Variants in SNCAIP observed in about 807,000 individuals in gnomAD.
SNCAIP encodes the protein synphilin-1.
In SNCAIP, 43 loss-of-function variants were observed where a neutral mutation model predicts 86.7. The observed-to-expected ratio is 0.50, with a 90% CI of 0.39 to 0.64. The LOEUF (loss-of-function observed/expected upper bound fraction) is 0.64. Ranked by LOEUF, SNCAIP falls within the 30% of genes least tolerant of loss-of-function variation. SNCAIP has a pLI of 0.00. For missense variants in SNCAIP, 981 were observed against 1,103.1 expected, an observed-to-expected ratio of 0.89 and a Z score of 1.57; for synonymous variants, 417 against 427.2, an observed-to-expected ratio of 0.98 and a Z score of 0.29.
chr5:122,411,164 G>T (rs899694735), intron 3 of SNCAIP, among the ~76,000 whole-genome samples: 2 of 152,182 alleles, frequency 1.3e-5, no homozygotes, highest in African/African-American at 4.8e-5. Context: ...AAGGAAATCT[G>T]CAGTAAAAAA....
At chr5:122,397,956 C>T (rs1228032702) in intron 2 of SNCAIP, among the ~76,000 whole-genome samples, 5 of 152,014 alleles carry the variant, frequency 3.3e-5, no homozygotes, top group African/African-American at 9.7e-5. Context: ...ATTATAAAGA[C>T]GAGAGTTGAA....
chr5:122,450,090 G>T (rs1286058486), intron 9 of SNCAIP, among the ~76,000 whole-genome samples, 153 bp downstream of exon 9: 1 of 152,146 alleles, frequency 6.6e-6, no homozygotes, highest in African/African-American at 2.4e-5. Flanking sequence ...AGTGAAAAAG[G>T]CACTGGACCT....
chr5:122,323,690 C>T (rs978708127), intron 1 of SNCAIP, among the ~76,000 whole-genome samples: 12 of 152,152 alleles, frequency 7.9e-5, no homozygotes, highest in African/African-American at 2.4e-4. Context: ...AGAGTTACCA[C>T]GAAAATAGAG....
chr5:122,406,594 T>A (rs928297926), intron 3 of SNCAIP, among the ~76,000 whole-genome samples: 2 of 152,134 alleles, frequency 1.3e-5, no homozygotes, highest in Admixed American at 6.5e-5. Flanking sequence ...CTTGGTACCA[T>A]CCTTGTGATG....
intron 1 of SNCAIP, among the ~76,000 whole-genome samples, chr5:122,341,843 TA>T (rs1315892244): frequency 3.9e-5 from 6 of 152,080 alleles, no homozygotes; most frequent in African/African-American, 1.4e-4. Context: ...AGCTAGTACT[TA>T]AAAAACAATA....
chr5:122,381,020 G>A (rs1191070824), intron 1 of SNCAIP, among the ~76,000 whole-genome samples: 1 of 149,190 alleles, frequency 6.7e-6, no homozygotes, highest in Admixed American at 6.6e-5. Context: ...ATATTCTGTT[G>A]ATTTGGGGTG....
chr5:122,375,418 C>T (rs1291384620), intron 1 of SNCAIP, among the ~76,000 whole-genome samples: 1 of 150,154 alleles, frequency 6.7e-6, no homozygotes, highest in East Asian at 1.9e-4. Flanking sequence ...TCAGTGTCTT[C>T]ACATACATTT....
At chr5:122,439,210 C>T (rs781596430) in intron 6 of SNCAIP, among the ~76,000 whole-genome samples, 2 of 152,238 alleles carry the variant, frequency 1.3e-5, no homozygotes, top group Non-Finnish European at 2.9e-5. Flanking sequence ...AAGAAGAGGA[C>T]TAAGCATAGC....
chr5:122,403,704 CTT>C, intron 2 of SNCAIP, 87 bp from the exon 3 acceptor site: 1 of 1,007,882 alleles, frequency 9.9e-7, no homozygotes, highest in South Asian at 1.3e-5. Context: ...CCAAGTATCA[CTT>C]ATTGTGTTTT....
rs1262640780 is a variant in SNCAIP, at chr5:122,378,225, C to T, written c.-46-12864C>T. On this transcript the variant is annotated intron_variant, in intron 1 of 10. Coordinates refer to ENST00000261368, the MANE Select transcript of SNCAIP (RefSeq NM_005460.4). ...TGTCGTTTCCTGACAATTTAATGAT[C>T]GCCATTCTAACTGGTGTGAGATGGT... 3.4e-5 allele frequency among the ~76,000 whole-genome samples: 5 copies of T among 145,514 alleles called. 1 individual carries two copies. Among genetic ancestry groups the T allele is most frequent in the East Asian group, 2.1e-4 (1 of 4,786 alleles).
At chr5:122,383,048 C>T (rs567305825) in intron 1 of SNCAIP, among the ~76,000 whole-genome samples, 4 of 152,312 alleles carry the variant, frequency 2.6e-5, no homozygotes, top group Non-Finnish European at 4.4e-5. Flanking sequence ...GGCAGGCCTC[C>T]TTGAGCTGTG....
chr5:122,440,612 T>G lies in SNCAIP; in HGVS notation c.1297-17T>G. The G allele has an allele frequency of 6.2e-7, 1 of 1,611,962 alleles. No homozygotes were observed. Among genetic ancestry groups the G allele is most frequent in the Non-Finnish European group, 8.5e-7 (1 of 1,178,050 alleles). On this transcript the variant is annotated splice_polypyrimidine_tract_variant and intron_variant, in intron 6 of 10. Transcript: ENST00000261368. ...TGCAAGATATTACATGAATTCCAAC[T>G]GTCTTTGTGTTTATAGGAAAAGATT...
Position 122,445,645 on chromosome 5 carries a change from T to TACACAC in SNCAIP, c.1592+937_1592+942dup, listed in dbSNP as rs55968414. Among the ~76,000 whole-genome samples, 746 of 143,156 alleles carry TACACAC rather than the reference T, an allele frequency of 5.2e-3. 7 individuals are homozygous for TACACAC. Among genetic ancestry groups the TACACAC allele is most frequent in the African/African-American group, 0.018 (707 of 38,396 alleles). The allele number at this position is 143,156 out of a possible 152,430, so 93.9% of individuals were successfully genotyped here. A position where few individuals can be genotyped will look rare whatever the true frequency, so the allele number is the denominator to read the frequency against. ...GGAAAATACTCTTACCTTTAAGTTT[T>TACACAC]ACACACACACACACACACACACACA... On this transcript the variant is annotated intron_variant, in intron 8 of 10. Transcript: ENST00000261368.
intron 1 of SNCAIP, chr5:122,389,979 A>G (rs1317899334): frequency 2.0e-5 from 3 of 152,122 alleles, no homozygotes; most frequent in African/African-American, 7.2e-5. Flanking sequence ...CTTCAGAACA[A>G]ATTTGCTTTT....
chr5:122,363,845 C>T (rs1249515397), intron 1 of SNCAIP, among the ~76,000 whole-genome samples: 2 of 149,388 alleles, frequency 1.3e-5, no homozygotes, highest in African/African-American at 2.5e-5. Flanking sequence ...TTTTTAGAGA[C>T]AGGGTCTTGC....
At chr5:122,362,109 A>G (rs573389046) in intron 1 of SNCAIP, among the ~76,000 whole-genome samples, 11 of 152,242 alleles carry the variant, frequency 7.2e-5, no homozygotes, top group Non-Finnish European at 1.6e-4. Flanking sequence ...TAATGAGAAT[A>G]GTAATTAAAA....
At chr5:122,437,378 A>T (rs1173003102) in intron 6 of SNCAIP, 1 of 152,004 alleles carries the variant, frequency 6.6e-6, no homozygotes, top group South Asian at 2.1e-4. Flanking sequence ...AAAACCAGAG[A>T]CTCTAGCCAT....
intron 1 of SNCAIP, among the ~76,000 whole-genome samples, chr5:122,364,529 C>T (rs1043712272): frequency 6.6e-6 from 1 of 152,104 alleles, no homozygotes; most frequent in African/African-American, 2.4e-5. Context: ...ACTGGATATT[C>T]GAAAATTATA....
At chr5:122,344,740 T>C (rs960337811) in intron 1 of SNCAIP, among the ~76,000 whole-genome samples, 14 of 152,350 alleles carry the variant, frequency 9.2e-5, no homozygotes, top group African/African-American at 3.1e-4. Context: ...GAATTTCAAG[T>C]AAGTAACAAT....
Sources: gnomAD v4.1 joint callset for allele counts (sites outside exome capture counted in the v4.1 genomes callset) on GRCh38, gnomAD v4.1.1 for gene constraint, MANE v1.5 for transcripts, NCBI Gene and HGNC (gene_info 2026-07-23, HGNC 2026-07-21) for gene names.